The following RAD51B variants were observed in gnomAD, a reference collection of about 807,000 sequenced individuals.
The protein encoded by RAD51B is RAD51 paralog B.
In RAD51B, 38 loss-of-function variants were observed where a neutral mutation model predicts 42.2. The ratio of observed to expected loss-of-function variants is 0.90; its 90% CI spans 0.70 to 1.18. The LOEUF is 1.18. Among genes scored for constraint, RAD51B ranks in the 50% most tolerant of loss-of-function variants. The probability of loss-of-function intolerance (pLI) is 0.00; values close to 1 mark genes in which losing one functional copy is unlikely to be tolerated. For synonymous variants in RAD51B, 154 were observed against 145.2 expected (o/e 1.06, Z -0.43); for missense variants, 373 against 400.7 (o/e 0.93, Z 0.59).
rs966381092 is a variant in RAD51B at position 68,431,852 on chromosome 14, A to G, written c.957+20325A>G. ...TTTTAATTGTGATGTTAGGGTGTCAATTTTAGATCTTTCCTGCTTTCTCTT... is the reference window on the plus strand; with the variant it reads ...TTTTAATTGTGATGTTAGGGTGTCAGTTTTAGATCTTTCCTGCTTTCTCTT... On this transcript the variant is annotated intron_variant, in intron 9 of 10. Transcript: ENST00000471583. Among the ~76,000 whole-genome samples the G allele has an allele frequency of 3.3e-5, 5 of 152,212 alleles. No homozygotes were observed. The East Asian group carries it at 5.8e-4, about 18-fold the overall frequency.
At chr14:68,377,822 A>G (rs918805674) in intron 8 of RAD51B, among the ~76,000 whole-genome samples, 1 of 152,230 alleles carries the variant, frequency 6.6e-6, no homozygotes, top group Non-Finnish European at 1.5e-5. Flanking sequence ...CTTCATCTGT[A>G]AAGGGAAGGA....
At chr14:68,080,164 A>G (rs2076892112) in intron 7 of RAD51B, among the ~76,000 whole-genome samples, 1 of 152,042 alleles carries the variant, frequency 6.6e-6, no homozygotes, top group African/African-American at 2.4e-5. Flanking sequence ...TTTCTGCTTC[A>G]TGTCTTGATT....
chr14:68,014,081 A>G (rs2075733547), intron 7 of RAD51B, among the ~76,000 whole-genome samples: 1 of 152,180 alleles, frequency 6.6e-6, no homozygotes, highest in Non-Finnish European at 1.5e-5. Context: ...CATTGAAATC[A>G]GAACTGATTT....
intron 10 of RAD51B, among the ~76,000 whole-genome samples, chr14:68,568,575 GGAGTT>G (rs1889536947): frequency 6.6e-6 from 1 of 152,158 alleles, no homozygotes; most frequent in African/African-American, 2.4e-5. Context: ...AGGGCTGGGT[GGAGTT>G]AAGACACAGA....
At chr14:68,237,116 A>G (rs1432503895) in intron 7 of RAD51B, among the ~76,000 whole-genome samples, 1 of 152,194 alleles carries the variant, frequency 6.6e-6, no homozygotes, top group Non-Finnish European at 1.5e-5. Context: ...TCTTCAGAAG[A>G]GAATTATTGG....
chr14:68,487,647 T>C (rs905570880), intron 10 of RAD51B, among the ~76,000 whole-genome samples: 1 of 152,122 alleles, frequency 6.6e-6, no homozygotes, highest in Non-Finnish European at 1.5e-5. Context: ...TAGCTGGGAC[T>C]ACAAGCATGT....
At chr14:67,975,057 A>G (rs547331198) in intron 7 of RAD51B, among the ~76,000 whole-genome samples, 1 of 152,324 alleles carries the variant, frequency 6.6e-6, no homozygotes, top group South Asian at 2.1e-4. Flanking sequence ...AATTGCCATA[A>G]CAAATTACCC....
At chr14:68,587,396 G>A (rs144948488) in intron 10 of RAD51B, among the ~76,000 whole-genome samples, 2 of 152,060 alleles carry the variant, frequency 1.3e-5, no homozygotes, top group East Asian at 1.9e-4. Context: ...CTGTAATTAC[G>A]AGCTGGAGAA....
intron 7 of RAD51B, among the ~76,000 whole-genome samples, chr14:67,964,953 T>A (rs2074741113): frequency 6.6e-6 from 1 of 152,168 alleles, no homozygotes; most frequent in African/African-American, 2.4e-5. Context: ...TGAAGAGATA[T>A]CTTAAATATT....
chr14:68,666,459 T>C (rs1893034419), intron 11 of RAD51B, among the ~76,000 whole-genome samples: 1 of 152,170 alleles, frequency 6.6e-6, no homozygotes, highest in Non-Finnish European at 1.5e-5. Context: ...GCAAGCACAA[T>C]CTATTGCTCA....
chr14:68,656,322 G>A (rs1892814314), intron 11 of RAD51B, among the ~76,000 whole-genome samples: 1 of 152,102 alleles, frequency 6.6e-6, no homozygotes, highest in Non-Finnish European at 1.5e-5. Context: ...TAGGTATCCT[G>A]CCTACCTCCT....
chr14:68,454,965 C>A (rs1594862323), intron 9 of RAD51B, among the ~76,000 whole-genome samples: 1 of 152,310 alleles, frequency 6.6e-6, no homozygotes, highest in Middle Eastern at 3.4e-3. Context: ...GAAGATCTCA[C>A]TTCCAGCTGA....
At chr14:68,566,167 TA>T (rs1889408829) in intron 10 of RAD51B, among the ~76,000 whole-genome samples, 2 of 152,212 alleles carry the variant, frequency 1.3e-5, no homozygotes, top group Admixed American at 1.3e-4. Context: ...AGCTTTTTAC[TA>T]GAATGTTTGC....
At chr14:68,171,775 C>T (rs919489111) in intron 7 of RAD51B, among the ~76,000 whole-genome samples, 2 of 151,988 alleles carry the variant, frequency 1.3e-5, no homozygotes, top group Admixed American at 6.6e-5. Flanking sequence ...GGGGCGATCT[C>T]GGTTCACTTT....
At chr14:68,039,745 A>G (rs1442759786) in intron 7 of RAD51B, among the ~76,000 whole-genome samples, 1 of 152,230 alleles carries the variant, frequency 6.6e-6, no homozygotes, top group Non-Finnish European at 1.5e-5. Flanking sequence ...TGAAAACTGT[A>G]CTACTCATAA....
At chr14:68,364,394 A>G (rs140141087) in intron 8 of RAD51B, among the ~76,000 whole-genome samples, 10 of 152,288 alleles carry the variant, frequency 6.6e-5, no homozygotes, top group Admixed American at 2.0e-4. Flanking sequence ...TTTGCTTCTA[A>G]GGAGCGGGAG....
chr14:67,873,163 T>C (rs2042601419), intron 5 of RAD51B, among the ~76,000 whole-genome samples: 1 of 151,940 alleles, frequency 6.6e-6, no homozygotes, highest in Non-Finnish European at 1.5e-5. Flanking sequence ...ACCTAAAAAA[T>C]GGGAGAAAAT....
chr14:68,468,366 A>C (rs548582997), intron 10 of RAD51B, 116 bp downstream of exon 10: 5 of 1,089,058 alleles, frequency 4.6e-6, no homozygotes, highest in Non-Finnish European at 7.1e-6. Context: ...TCAAAAACCA[A>C]GATGCATTGG....
intron 5 of RAD51B, among the ~76,000 whole-genome samples, chr14:67,868,173 C>CCGG (rs1388756251): frequency 2.0e-5 from 3 of 152,196 alleles, no homozygotes; most frequent in Non-Finnish European, 4.4e-5. Flanking sequence ...ATCTGAGGTA[C>CCGG]CGGGTTCATC....
Sources: allele counts gnomAD v4.1 joint callset (sites outside exome capture counted in the v4.1 genomes callset), GRCh38; gene constraint gnomAD v4.1.1; transcripts MANE v1.5; gene names NCBI Gene and HGNC (gene_info 2026-07-23, HGNC 2026-07-21).